FAM178B: variants seen among roughly 807,000 people sequenced by gnomAD.
The protein encoded by FAM178B is family with sequence similarity 178 member B.
Under a neutral mutation model 91.7 loss-of-function variants are expected in FAM178B, and 82 were observed. The observed-to-expected ratio is 0.89, with a 90% confidence interval of 0.75 to 1.07. FAM178B has a LOEUF of 1.07. FAM178B is among the 50% of genes least tolerant of loss of function. The pLI, the probability that FAM178B is intolerant of heterozygous loss-of-function variation, is 0.00. For missense variants in FAM178B, 769 were observed against 846.7 expected (o/e 0.91, Z 1.14); for synonymous variants, 368 against 359.4 (o/e 1.02, Z -0.27).
intron 8 of FAM178B, among the ~76,000 whole-genome samples, chr2:96,930,182 T>G (rs1227882668): frequency 8.7e-6 from 1 of 114,532 alleles, no homozygotes; most frequent in Admixed American, 1.3e-4. Context: ...TCCAGCAGCC[T>G]GGGTGACAGA....
At chr2:96,881,108 C>T (rs1017184952) in intron 14 of FAM178B, among the ~76,000 whole-genome samples, 4 of 151,894 alleles carry the variant, frequency 2.6e-5, no homozygotes, top group East Asian at 2.0e-4. Context: ...CCCGACTCCA[C>T]AGAAAACAAA....
chr2:96,907,351 G>A (rs1559065653), intron 12 of FAM178B, among the ~76,000 whole-genome samples: 1 of 152,226 alleles, frequency 6.6e-6, no homozygotes, highest in Non-Finnish European at 1.5e-5. Flanking sequence ...CCCAGACTGT[G>A]CAGGGCACAA....
chr2:96,929,413 C>A, intron 8 of FAM178B, 93 bp from the exon 9 acceptor site: 1 of 879,224 alleles, frequency 1.1e-6, no homozygotes, highest in Non-Finnish European at 1.8e-6. Context: ...ACCCCTGGCC[C>A]AAGATAACCA....
Position 96,951,406 on chromosome 2 carries a change from C to A in FAM178B, c.966G>T (p.Pro322=). The stretch of plus-strand genomic sequence containing the variant: ...GGAACAGCCACTGGAGCAGGGATAC[C>A]GGGCAGTCAGGCATGTGCAGGTAGA... ...NILYLHMPDC[P]VSLLQWLFQL... The change falls in exon 7 of 17, where the codon CCG becomes CCT. Residue 322 remains proline, a synonymous_variant. Transcript: ENST00000490605. 10 of 1,551,390 alleles carry A rather than the reference C, an allele frequency of 6.4e-6. No homozygotes were observed. Among genetic ancestry groups the A allele is most frequent in the Non-Finnish European group, 8.7e-6 (10 of 1,146,768 alleles).
chr2:96,927,118 A>G (rs1302230202), intron 9 of FAM178B, among the ~76,000 whole-genome samples: 1 of 152,212 alleles, frequency 6.6e-6, no homozygotes, highest in Non-Finnish European at 1.5e-5. Flanking sequence ...AGGATGCCAT[A>G]CCCTTGGGGA....
At chr2:96,980,318 C>T (rs1375335563) in intron 1 of FAM178B, among the ~76,000 whole-genome samples, 4 of 152,144 alleles carry the variant, frequency 2.6e-5, no homozygotes, top group Admixed American at 6.6e-5. Context: ...TCAAGTGATC[C>T]TCCCACCTCG....
chr2:96,945,562 A>G (rs1454262801), intron 8 of FAM178B, among the ~76,000 whole-genome samples: 1 of 151,940 alleles, frequency 6.6e-6, no homozygotes, highest in Non-Finnish European at 1.5e-5. Context: ...GTGCGCGCGC[A>G]CACACAAATC....
intron 13 of FAM178B, chr2:96,895,241 A>G (rs957783768): frequency 1.9e-6 from 1 of 525,988 alleles, no homozygotes; most frequent in African/African-American, 2.0e-5. Flanking sequence ...TCATAATACC[A>G]TTTCTTTCCT....
At chr2:96,938,573 G>C (rs1443540462) in intron 8 of FAM178B, among the ~76,000 whole-genome samples, 2 of 152,236 alleles carry the variant, frequency 1.3e-5, no homozygotes, top group Non-Finnish European at 2.9e-5. Flanking sequence ...AAAAGATGCT[G>C]CTGTCCACCG....
In FAM178B at chr2:96,967,911, C is replaced by CTTTTTTTTTTTTTTTTTTTTTTTTTTTT. The variant is rs60965536; in HGVS notation, c.627-285_627-284insAAAAAAAAAAAAAAAAAAAAAAAAAAAA. Among the ~76,000 whole-genome samples the CTTTTTTTTTTTTTTTTTTTTTTTTTTTT allele has an allele frequency of 3.2e-5, 2 of 62,444 alleles. 1 individual carries two copies. The highest frequency in any genetic ancestry group is 6.0e-5 in the Non-Finnish European group (2 of 33,240). 41.0% of individuals were successfully genotyped at this position (62,444 alleles called of 152,430 possible). A position where few individuals can be genotyped will look rare whatever the true frequency, so the allele number is the denominator to read the frequency against. ...TCTTTACTTGTGTACCCTGTTTGGT[C>CTTTTTTTTTTTTTTTTTTTTTTTTTTTT]TTTTTTTTTTTTTTTTTTTTTTTTT... On this transcript the variant is annotated intron_variant, in intron 4 of 16. Coordinates refer to ENST00000490605, the MANE Select transcript of FAM178B (RefSeq NM_001122646.3).
At chr2:96,944,672 G>A (rs2081793426) in intron 8 of FAM178B, among the ~76,000 whole-genome samples, 1 of 152,210 alleles carries the variant, frequency 6.6e-6, no homozygotes, top group African/African-American at 2.4e-5. Context: ...TGTCATGTGA[G>A]CTAACAAACT....
At chr2:96,971,251 C>T (rs2082213095) in intron 3 of FAM178B, among the ~76,000 whole-genome samples, 1 of 146,560 alleles carries the variant, frequency 6.8e-6, no homozygotes, top group Non-Finnish European at 1.5e-5. Flanking sequence ...TCTCCTCTCC[C>T]TCCCTCCCTC....
intron 1 of FAM178B, among the ~76,000 whole-genome samples, chr2:96,978,669 G>A (rs1429874629): frequency 1.3e-5 from 2 of 151,192 alleles, no homozygotes; most frequent in African/African-American, 2.4e-5. Flanking sequence ...TTTGTCACCA[G>A]GCTGGAGTGC....
At chr2:96,976,253 C>G (rs2082287110) in intron 1 of FAM178B, among the ~76,000 whole-genome samples, 1 of 151,708 alleles carries the variant, frequency 6.6e-6, no homozygotes, top group Non-Finnish European at 1.5e-5. Context: ...GCCACCATGC[C>G]CGGCTAATTT....
intron 14 of FAM178B, among the ~76,000 whole-genome samples, chr2:96,881,892 AGGCTGGGT>A (rs1160576324): frequency 1.3e-5 from 2 of 152,024 alleles, no homozygotes; most frequent in South Asian, 2.1e-4. Context: ...CACTGCCTGG[AGGCTGGGT>A]GGCTGGGTGC....
intron 8 of FAM178B, chr2:96,939,207 C>T (rs1042959914): frequency 1.3e-5 from 2 of 150,148 alleles, no homozygotes. Context: ...TGTCTCAAAA[C>T]AAAACAAGGC....
At chr2:96,936,271 T>A (rs745615307) in intron 8 of FAM178B, among the ~76,000 whole-genome samples, 14 of 152,156 alleles carry the variant, frequency 9.2e-5, no homozygotes, top group Middle Eastern at 3.4e-3. Flanking sequence ...GCATGATCTC[T>A]GCTCACTGTA....
chr2:96,968,089 T>C (rs1008936476), intron 4 of FAM178B, among the ~76,000 whole-genome samples: 23 of 151,358 alleles, frequency 1.5e-4, no homozygotes, highest in African/African-American at 5.6e-4. Flanking sequence ...GATTCGTTCT[T>C]TTTTTTTAAA....
At chr2:96,977,374 G>A (rs1280572274) in intron 1 of FAM178B, among the ~76,000 whole-genome samples, 1 of 112,734 alleles carries the variant, frequency 8.9e-6, no homozygotes, top group Non-Finnish European at 1.7e-5. Flanking sequence ...GACAGAGCGA[G>A]ACTCCGTCTC....
Sources: allele counts gnomAD v4.1 joint callset (sites outside exome capture counted in the v4.1 genomes callset), GRCh38; gene constraint gnomAD v4.1.1; transcripts MANE v1.5; gene names NCBI Gene and HGNC (gene_info 2026-07-23, HGNC 2026-07-21).